The following SPMIP11 variants were observed in gnomAD, a reference collection of about 807,000 sequenced individuals.
SPMIP11 encodes sperm microtubule inner protein 11.
chr12:48,759,131 G>A, the SPMIP11 span: 2 of 685,170 alleles, frequency 2.9e-6, no homozygotes, highest in Non-Finnish European at 5.3e-6. Context: ...TATGCATCTG[G>A]TTAGCATGGA....
At chr12:48,764,458 A>C in the SPMIP11 span, among the ~76,000 whole-genome samples, 1 of 152,190 alleles carries the variant, frequency 6.6e-6, no homozygotes, top group Non-Finnish European at 1.5e-5. Context: ...GAGTGAGCAA[A>C]GGAAGCCATT....
chr12:48,750,078 G>A, the SPMIP11 span, among the ~76,000 whole-genome samples: 3 of 151,824 alleles, frequency 2.0e-5, no homozygotes, highest in East Asian at 3.9e-4. Flanking sequence ...CAGGCTGGGT[G>A]CAGTGGCCCA....
the SPMIP11 span, among the ~76,000 whole-genome samples, chr12:48,750,967 G>A: frequency 6.6e-6 from 1 of 152,060 alleles, no homozygotes; most frequent in African/African-American, 2.4e-5. Context: ...CCTTAGCTAG[G>A]CCTTTAACAG....
chr12:48,765,292 A>G, the SPMIP11 span, among the ~76,000 whole-genome samples: 29 of 152,246 alleles, frequency 1.9e-4, no homozygotes, highest in Non-Finnish European at 2.6e-4. Context: ...CACCCCTCAA[A>G]TCACCATCCA....
the SPMIP11 span, among the ~76,000 whole-genome samples, chr12:48,739,951 TTACTC>T: frequency 6.6e-6 from 1 of 152,204 alleles, no homozygotes; most frequent in African/African-American, 2.4e-5. Flanking sequence ...ACAACATTCT[TTACTC>T]TGTTAGGTTA....
the SPMIP11 span, chr12:48,766,705 G>C: frequency 1.3e-5 from 2 of 152,636 alleles, no homozygotes; most frequent in African/African-American, 4.8e-5. Context: ...CAGGGAGCTG[G>C]TGTCAGAAGG....
the SPMIP11 span, among the ~76,000 whole-genome samples, chr12:48,757,334 A>G: frequency 6.6e-6 from 1 of 152,036 alleles, no homozygotes; most frequent in Non-Finnish European, 1.5e-5. Context: ...TAGCCTATTT[A>G]AGCAGAATAT....
At chr12:48,738,308 G>T in the SPMIP11 span, among the ~76,000 whole-genome samples, 35 of 152,064 alleles carry the variant, frequency 2.3e-4, no homozygotes, top group African/African-American at 3.1e-4. Context: ...AACTTATCTC[G>T]ATAATTCTGG....
chr12:48,756,044 A>ATT, the SPMIP11 span, among the ~76,000 whole-genome samples: 5 of 143,538 alleles, frequency 3.5e-5, no homozygotes, highest in Admixed American at 2.8e-4. Flanking sequence ...CACCTGGCTA[A>ATT]TTTTTTTTTT....
At chr12:48,769,051 C>A in the SPMIP11 span, 5 of 1,612,290 alleles carry the variant, frequency 3.1e-6, no homozygotes, top group Non-Finnish European at 4.2e-6. Context: ...CGACTGGGCC[C>A]ATGTTCAGCC....
the SPMIP11 span, chr12:48,759,094 A>G: frequency 1.9e-4 from 119 of 612,238 alleles, no homozygotes; most frequent in African/African-American, 1.9e-3. Flanking sequence ...TGAAAATTGG[A>G]TGTGAGTGGC....
the SPMIP11 span, among the ~76,000 whole-genome samples, chr12:48,730,517 A>C: frequency 6.6e-6 from 1 of 152,218 alleles, no homozygotes; most frequent in East Asian, 1.9e-4. Context: ...CAAGCACTTT[A>C]TAATAAACAA....
chr12:48,731,642 C>T, the SPMIP11 span, among the ~76,000 whole-genome samples: 2 of 152,120 alleles, frequency 1.3e-5, no homozygotes, highest in Non-Finnish European at 2.9e-5. Flanking sequence ...TCCCATAACC[C>T]CTGGGTAACT....
the SPMIP11 span, among the ~76,000 whole-genome samples, chr12:48,735,637 C>T: frequency 1.3e-5 from 2 of 152,120 alleles, no homozygotes; most frequent in Non-Finnish European, 2.9e-5. Context: ...GTGGCTCACA[C>T]CTGTAATCCC....
the SPMIP11 span, chr12:48,771,085 C>T: frequency 9.6e-7 from 1 of 1,037,556 alleles, no homozygotes; most frequent in Non-Finnish European, 1.4e-6. This position sits in a 1 kb window ranked among gnomAD's most constrained non-coding sequence, Gnocchi z 4.3. Flanking sequence ...GTCTCAAGAG[C>T]CCCCTTCCAG....
the SPMIP11 span, among the ~76,000 whole-genome samples, chr12:48,744,248 CAAAAAA>C: frequency 2.0e-5 from 2 of 98,288 alleles, no homozygotes; most frequent in Non-Finnish European, 2.0e-5. Context: ...AGCAACCTCT[CAAAAAA>C]AAAAAAAAAA....
chr12:48,758,858 A>C, the SPMIP11 span, among the ~76,000 whole-genome samples: 1 of 152,234 alleles, frequency 6.6e-6, no homozygotes, highest in Non-Finnish European at 1.5e-5. Context: ...GACCATTTGA[A>C]GTTCTGCAAA....
At chr12:48,729,945 C>G in the SPMIP11 span, among the ~76,000 whole-genome samples, 1 of 151,994 alleles carries the variant, frequency 6.6e-6, no homozygotes, top group Non-Finnish European at 1.5e-5. Flanking sequence ...GTTTTTATCT[C>G]CAAATAAAGA....
chr12:48,732,003 GC>G, the SPMIP11 span, among the ~76,000 whole-genome samples: 1 of 151,996 alleles, frequency 6.6e-6, no homozygotes, highest in East Asian at 1.9e-4. Context: ...ACAAAAATTA[GC>G]CAGGGGTGGT....
Sources: allele counts gnomAD v4.1 joint callset (sites outside exome capture counted in the v4.1 genomes callset), GRCh38; gene constraint gnomAD v4.1.1; non-coding constraint Gnocchi (gnomAD v3.1); transcripts MANE v1.5; gene names NCBI Gene and HGNC (gene_info 2026-07-23, HGNC 2026-07-21).